Variants in ARHGEF19 observed in about 807,000 individuals in gnomAD.
The protein encoded by ARHGEF19 is Rho guanine nucleotide exchange factor (GEF) 19.
Under a neutral mutation model 87.6 loss-of-function variants are expected in ARHGEF19, and 92 were observed. That is an observed-to-expected ratio of 1.05 (90% CI 0.89 to 1.25). The LOEUF (loss-of-function observed/expected upper bound fraction) is 1.25, where lower values mean the gene tolerates loss of function less well. Ranked by LOEUF, ARHGEF19 falls within the 50% of genes most tolerant of loss-of-function variation. The probability of loss-of-function intolerance (pLI) is 0.00; values close to 1 mark genes in which losing one functional copy is unlikely to be tolerated. For synonymous variants in ARHGEF19, 438 were observed against 446.2 expected (o/e 0.98, Z 0.23); for missense variants, 1,054 against 1,051.8 (o/e 1.00, Z -0.03).
rs546469339 is a variant in ARHGEF19 at position 16,198,179 on chromosome 1, G to C, written c.*408C>G. 1.0e-3 allele frequency: 159 copies of C among 155,854 alleles called. No homozygotes were observed. The highest frequency in any genetic ancestry group is 7.0e-3 in the South Asian group (34 of 4,874). 9.7% of individuals were successfully genotyped at this position (155,854 alleles called of 1,614,324 possible). A position where few individuals can be genotyped will look rare whatever the true frequency, so the allele number is the denominator to read the frequency against. ...ACTCAGGCTCTGACCAGGGGAGGTG[G>C]TAGACAAGACCCCAGATATATATAA... On this transcript the variant is annotated 3_prime_UTR_variant, in exon 16 of 16. Transcript: ENST00000270747. This position sits in a 1 kb window ranked among gnomAD's most constrained non-coding sequence, Gnocchi z 4.1.
chr1:16,207,864 C>T lies in ARHGEF19; in HGVS notation c.694+80G>A. ...GCCCAGGCACCCTGACGGCCTCAGG[C>T]GGCCGGTGAGTGGGCATCGCCCACC... On this transcript the variant is annotated intron_variant, in intron 3 of 15. Transcript: ENST00000270747. This position sits in a 1 kb window ranked among gnomAD's most constrained non-coding sequence, Gnocchi z 4.0. 6.3e-7 allele frequency: 1 copy of T among 1,584,184 alleles called. No individual in the cohort carries two copies.
Position 16,201,814 on chromosome 1 carries a change from T to G in ARHGEF19, c.2114A>C (p.Gln705Pro). Residue 705 changes from glutamine (Q) to proline (P), a missense_variant, in exon 14 of 16, where the codon CAG becomes CCG. Physicochemically the swap from Gln to Pro is moderately conservative, Grantham distance 76. Transcript: ENST00000270747. ...CTCACTGATGACCTCCTTGTCCTCC[T>G]GGGGGCTGGAGGGGCACAAGGCTGA... ...WISALCPSSPQEDKEVISEGE... is the reference protein window; with the variant it reads ...WISALCPSSPPEDKEVISEGE... 6.2e-7 allele frequency: 1 copy of G among 1,613,884 alleles called. No homozygotes were observed. Among genetic ancestry groups the G allele is most frequent in the Non-Finnish European group, 8.5e-7 (1 of 1,179,882 alleles).
In ARHGEF19 at chr1:16,205,402, C is replaced by T. The variant is rs2081119528; in HGVS notation, c.1605G>A (p.Gln535=). The T allele has an allele frequency of 6.2e-7, 1 of 1,612,172 alleles. No homozygotes were observed. The highest frequency in any genetic ancestry group is 1.3e-5 in the African/African-American group (1 of 74,930). Residue 535 remains glutamine, a synonymous_variant, in exon 10 of 16, where the codon CAG becomes CAA. Transcript: ENST00000270747. This position sits in a 1 kb window ranked among gnomAD's most constrained non-coding sequence, Gnocchi z 5.8. ...LVENILKRTA[Q]GSEDEDMATK... ...TGGCCATGTCTTCGTCTTCAGAGCC[C>T]TGTGCTGTCCGCTTCAGGATGTTCT...
Position 16,206,473 on chromosome 1 carries a change from G to T in ARHGEF19, c.1138-133C>A. 2 of 1,009,916 alleles carry T rather than the reference G, an allele frequency of 2.0e-6. No homozygotes were observed. The highest frequency in any genetic ancestry group is 2.9e-6 in the Non-Finnish European group (2 of 684,806). 62.6% of individuals were successfully genotyped at this position (1,009,916 alleles called of 1,614,324 possible). On this transcript the variant is annotated intron_variant, in intron 6 of 15. Transcript: ENST00000270747. The surrounding 1 kb of genome is among the most constrained non-coding windows in gnomAD (Gnocchi z 4.6). ...TCTCTAGCCCCACTCCTAATCTGGC[G>T]CCGGGCGGGCCCGGCGACCCACGTC...
At chr1:16,201,972 AGG>A in intron 13 of ARHGEF19, 111 bp from the exon 14 acceptor site, 2 of 774,478 alleles carry the variant, frequency 2.6e-6, no homozygotes, top group Non-Finnish European at 3.8e-6. Context: ...CCTAGGACCC[AGG>A]CCTACCCTAG....
At chr1:16,202,709 G>A (rs2081094192) in intron 12 of ARHGEF19, 135 bp from the exon 13 acceptor site, 13 of 1,163,162 alleles carry the variant, frequency 1.1e-5, no homozygotes, top group Non-Finnish European at 1.5e-5. Flanking sequence ...ACAGGGTCCT[G>A]CTTCTGGATA....
At position 16,198,756 on chromosome 1, in the gene ARHGEF19, T is replaced by C. The variant is rs770390845; in HGVS notation, c.2252-12A>G. On this transcript the variant is annotated splice_polypyrimidine_tract_variant and intron_variant, in intron 15 of 15. Transcript: ENST00000270747. The surrounding 1 kb of genome is among the most constrained non-coding windows in gnomAD (Gnocchi z 4.1). ...CCCTTCCAGCCAGCCTAGGGACACA[T>C]AGGCCAAGAACAACAGCATCAAAGG... The C allele has an allele frequency of 7.5e-6, 12 of 1,591,232 alleles. No individual in the cohort carries two copies. The highest frequency in any genetic ancestry group is 1.7e-4 in the Middle Eastern group (1 of 5,940).
chr1:16,204,914 G>A lies in ARHGEF19; in HGVS notation c.1752C>T (p.Phe584=). The A allele has an allele frequency of 6.3e-7, 1 of 1,599,400 alleles. No individual in the cohort carries two copies. Among genetic ancestry groups the A allele is most frequent in the Non-Finnish European group, 8.5e-7 (1 of 1,172,464 alleles). The part of the protein sequence containing the change: ...SKKIHFEGKI[F]PLISQARWLV... ...GCCAGCGGGCCTGAGAGATCAGCGG[G>A]AAAATCTAGAGGGATGGAGAAGGAT... is the stretch of plus-strand genomic sequence containing the variant. The change falls in exon 12 of 16, where the codon TTC becomes TTT. Residue 584 remains phenylalanine, a synonymous_variant. Transcript: ENST00000270747.
intron 1 of ARHGEF19, among the ~76,000 whole-genome samples, chr1:16,210,052 C>T (rs896227048): frequency 1.3e-4 from 20 of 152,250 alleles, no homozygotes; most frequent in African/African-American, 4.6e-4. Context: ...GCCCTCCGAT[C>T]GGGGCAGGCC....
chr1:16,200,228 G>A (rs1239743946), intron 14 of ARHGEF19, among the ~76,000 whole-genome samples: 3 of 152,218 alleles, frequency 2.0e-5, no homozygotes, highest in Admixed American at 6.5e-5. Context: ...CAGTTCTGCC[G>A]CTTACTGGCT....
intron 2 of ARHGEF19, 45 bp from the exon 3 acceptor site, chr1:16,208,270 C>T: frequency 6.3e-7 from 1 of 1,581,974 alleles, no homozygotes; most frequent in South Asian, 1.1e-5. Context: ...GGGGTCTCCC[C>T]CAACCTCCTC....
In ARHGEF19 at chr1:16,205,957, G is replaced by A; in HGVS notation, c.1425C>T (p.Tyr475=). The A allele has an allele frequency of 1.2e-6, 2 of 1,611,190 alleles. No homozygotes were observed. The highest frequency in any genetic ancestry group is 1.1e-5 in the South Asian group (1 of 90,514). The change falls in exon 8 of 16, where the codon TAC becomes TAT. Residue 475 remains tyrosine, a synonymous_variant. Coordinates refer to ENST00000270747, the MANE Select transcript of ARHGEF19 (RefSeq NM_153213.5). This position sits in a 1 kb window ranked among gnomAD's most constrained non-coding sequence, Gnocchi z 5.8. ...GCAGGCGCTGGTAGGTGCGCTCCTGGTAGGCCTGGTTGGTGACATAGGGCA... is the reference window on the plus strand; with the variant it reads ...GCAGGCGCTGGTAGGTGCGCTCCTGATAGGCCTGGTTGGTGACATAGGGCA... ...VYLPYVTNQA[Y]QERTYQRLLL...
At position 16,209,636 on chromosome 1, in the gene ARHGEF19, G is replaced by A. The variant is rs373922500; in HGVS notation, c.-29-553C>T. Among the ~76,000 whole-genome samples the A allele has an allele frequency of 7.9e-5, 12 of 152,152 alleles. No homozygotes were observed. In the East Asian group the frequency reaches 2.1e-3, roughly 27 times the overall value. ...CAGACACACACATTTTTACACAACC[G>A]CATACATTCACAGACAACTCCTCAC... On this transcript the variant is annotated intron_variant, in intron 1 of 15. Coordinates refer to ENST00000270747, the MANE Select transcript of ARHGEF19 (RefSeq NM_153213.5).
chr1:16,207,055 G>A lies in ARHGEF19; in HGVS notation c.1030C>T (p.Gln344Ter). The change falls in exon 6 of 16, where the codon CAG becomes TAG. Residue 344 changes from glutamine (Q) to a stop codon, truncating the protein, a stop_gained. Coordinates refer to ENST00000270747, the MANE Select transcript of ARHGEF19 (RefSeq NM_153213.5). LOFTEE classifies it high-confidence loss of function. This position sits in a 1 kb window ranked among gnomAD's most constrained non-coding sequence, Gnocchi z 4.0. Reference sequence around the variant, plus strand: ...AAGGTGGAGCCTCGCGCCGAGCGCTGCGCCCGGAAGGAGCTGCTGGGGGAG... The same window carrying A: ...AAGGTGGAGCCTCGCGCCGAGCGCTACGCCCGGAAGGAGCTGCTGGGGGAG... ...NLSPSSSFRA[Q>*]RSARGSTFSL... 1.3e-6 allele frequency: 2 copies of A among 1,507,976 alleles called. No individual in the cohort carries two copies. The highest frequency in any genetic ancestry group is 1.8e-6 in the Non-Finnish European group (2 of 1,131,040). 93.4% of individuals were successfully genotyped at this position (1,507,976 alleles called of 1,614,324 possible).
Position 16,202,541 on chromosome 1 carries a change from C to T in ARHGEF19, c.1941G>A (p.Lys647=). The part of the protein sequence containing the change: ...LGKFAVFVHA[K]MAELQVRDLS... ...GGTCCCGCACCTGCAGCTCAGCCAT[C>T]TTGGCATGGACGAAAACGGCAAACT... The change falls in exon 13 of 16, where the codon AAG becomes AAA. Residue 647 remains lysine, a synonymous_variant. Transcript: ENST00000270747. 6.2e-7 allele frequency: 1 copy of T among 1,614,102 alleles called. No individual in the cohort carries two copies. The highest frequency in any genetic ancestry group is 8.5e-7 in the Non-Finnish European group (1 of 1,179,952).
chr1:16,207,448 A>C lies in ARHGEF19; in HGVS notation c.874+74T>G, dbSNP rs2081150523. The C allele has an allele frequency of 6.4e-7, 1 of 1,574,326 alleles. No homozygotes were observed. The highest frequency in any genetic ancestry group is 2.3e-5 in the East Asian group (1 of 44,332). On this transcript the variant is annotated intron_variant, in intron 5 of 15. Transcript: ENST00000270747. This position sits in a 1 kb window ranked among gnomAD's most constrained non-coding sequence, Gnocchi z 4.0. ...CGATCCCTACCTCTCAACTCTCCAA[A>C]CCCTCTTTTCCCCGTTTCCACACCG...
chr1:16,208,586 C>T (rs2081167296), intron 2 of ARHGEF19, 57 bp downstream of exon 2: 2 of 1,524,888 alleles, frequency 1.3e-6, no homozygotes. Flanking sequence ...AGCTGCCCAG[C>T]CCCTCCCCTA....
In ARHGEF19 at chr1:16,202,571, T is replaced by A. The variant is rs748109574; in HGVS notation, c.1911A>T (p.Leu637=). 1.9e-6 allele frequency: 3 copies of A among 1,612,404 alleles called. No individual in the cohort carries two copies. Among genetic ancestry groups the A allele is most frequent in the Non-Finnish European group, 2.5e-6 (3 of 1,178,694 alleles). Residue 637 remains leucine, a synonymous_variant, in exon 13 of 16, where the codon CTA becomes CTT. Transcript: ENST00000270747. ...DCLLLSRRKE[L]GKFAVFVHAK... is the part of the protein sequence containing the mutation. Reference sequence around the variant, plus strand: ...CATGGACGAAAACGGCAAACTTCCCTAGCCTGGAGGACCGGGGGAGGGGAG... The same window carrying A: ...CATGGACGAAAACGGCAAACTTCCCAAGCCTGGAGGACCGGGGGAGGGGAG...
At position 16,208,940 on chromosome 1, in the gene ARHGEF19, C is replaced by T. The variant is rs201049497; in HGVS notation, c.115G>A (p.Ala39Thr). The stretch of plus-strand genomic sequence containing the variant: ...CACACTGGGCTCGGGGGCTTCAGGG[C>T]GGGCAGCTCTGCAAAGGACAGACTC... ...QESLSFAELP[A>T]LKPPSPVCLD... Residue 39 changes from alanine to threonine, a missense_variant, in exon 2 of 16, where the codon GCC becomes ACC. By Grantham distance (58) the Ala-to-Thr change is moderately conservative (BLOSUM62 0). Coordinates refer to ENST00000270747, the MANE Select transcript of ARHGEF19 (RefSeq NM_153213.5). The T allele has an allele frequency of 2.5e-5, 39 of 1,579,408 alleles. No homozygotes were observed. The Middle Eastern group carries it at 6.8e-4, about 27-fold the overall frequency.
Sources: gnomAD v4.1 joint callset for allele counts (sites outside exome capture counted in the v4.1 genomes callset) on GRCh38, gnomAD v4.1.1 for gene constraint, Gnocchi (gnomAD v3.1) non-coding constraint, MANE v1.5 for transcripts, NCBI Gene and HGNC (gene_info 2026-07-23, HGNC 2026-07-21) for gene names.